SLCO1C1: variants seen among roughly 807,000 people sequenced by gnomAD.
The protein encoded by SLCO1C1 is solute carrier organic anion transporter family member 1C1, also known as OAT-RP-5.
SLCO1C1 carries 70 observed loss-of-function variants against 76.4 expected under a neutral mutation model. The observed-to-expected ratio is 0.92, with a 90% CI of 0.76 to 1.12. The LOEUF is 1.12. SLCO1C1 is among the 50% of genes most tolerant of loss of function. SLCO1C1 has a pLI of 0.00. For missense variants in SLCO1C1, 912 were observed against 823.8 expected, an observed-to-expected ratio of 1.11 and a Z score of -1.31; for synonymous variants, 306 against 286.1, an observed-to-expected ratio of 1.07 and a Z score of -0.70.
At chr12:20,738,919 A>T (rs1023611974) in intron 11 of SLCO1C1, among the ~76,000 whole-genome samples, 7 of 152,168 alleles carry the variant, frequency 4.6e-5, no homozygotes, top group Non-Finnish European at 1.0e-4. Flanking sequence ...CATTACAAAA[A>T]ATCTATATTG....
At chr12:20,740,779 T>TA (rs1948765140) in intron 12 of SLCO1C1, among the ~76,000 whole-genome samples, 1 of 24,200 alleles carries the variant, frequency 4.1e-5, no homozygotes, top group Non-Finnish European at 1.0e-4. Context: ...TGTTAGAATT[T>TA]ATTTTATTTA....
At chr12:20,706,287 A>G (rs1444028334) in intron 4 of SLCO1C1, among the ~76,000 whole-genome samples, 1 of 152,150 alleles carries the variant, frequency 6.6e-6, no homozygotes, top group Admixed American at 6.6e-5. Context: ...ATTACTGTAT[A>G]TTGATATCAA....
chr12:20,736,345 G>GA (rs376675460), intron 10 of SLCO1C1, among the ~76,000 whole-genome samples: 3 of 149,574 alleles, frequency 2.0e-5, no homozygotes, highest in African/African-American at 7.3e-5. Flanking sequence ...TTGGGGGGGG[G>GA]TGCAAATTTT....
intron 10 of SLCO1C1, 28 bp from the exon 11 acceptor site, chr12:20,737,079 T>C (rs781396887): frequency 2.1e-6 from 3 of 1,458,158 alleles, no homozygotes. Flanking sequence ...TAAGAGGTAA[T>C]ATTTTATATT....
Position 20,715,127 on chromosome 12 carries a change from C to A in SLCO1C1, c.530-12C>A, listed in dbSNP as rs576160386. The A allele has an allele frequency of 6.2e-7, 1 of 1,613,350 alleles. No homozygotes were observed. The highest frequency in any genetic ancestry group is 8.5e-7 in the Non-Finnish European group (1 of 1,179,726). ...ATCTATTTTCAATCCTCTGGTTTGC[C>A]TTTCTTTCAAGAATGTGAAGTGGAC... On this transcript the variant is annotated splice_polypyrimidine_tract_variant and intron_variant, in intron 5 of 14. Transcript: ENST00000266509.
intron 14 of SLCO1C1, 120 bp downstream of exon 14, chr12:20,750,912 T>C (rs769408502): frequency 6.3e-7 from 1 of 1,580,840 alleles, no homozygotes; most frequent in Admixed American, 1.7e-5. Context: ...AATAGTCTAA[T>C]CAAAAAGTGT....
chr12:20,738,967 T>C (rs1396265382), intron 11 of SLCO1C1, among the ~76,000 whole-genome samples: 2 of 152,192 alleles, frequency 1.3e-5, no homozygotes, highest in Non-Finnish European at 2.9e-5. Flanking sequence ...GCTTTATTTA[T>C]GGTCTAAAAA....
At chr12:20,713,131 G>A (rs922623545) in intron 5 of SLCO1C1, among the ~76,000 whole-genome samples, 4 of 148,882 alleles carry the variant, frequency 2.7e-5, no homozygotes, top group Admixed American at 6.7e-5. Context: ...CCAGGCTGGA[G>A]TGCAGTGGCG....
At chr12:20,734,213 G>T (rs1948436660) in intron 10 of SLCO1C1, among the ~76,000 whole-genome samples, 1 of 152,048 alleles carries the variant, frequency 6.6e-6, no homozygotes, top group Admixed American at 6.6e-5. Flanking sequence ...GGTTTCATCT[G>T]CTGCTAAATG....
intron 3 of SLCO1C1, among the ~76,000 whole-genome samples, chr12:20,701,814 T>C (rs1290094619): frequency 6.6e-6 from 1 of 151,926 alleles, no homozygotes; most frequent in Admixed American, 6.6e-5. Context: ...CTGGGAGCAC[T>C]ATGATTCAAT....
intron 9 of SLCO1C1, among the ~76,000 whole-genome samples, chr12:20,728,203 A>T (rs888629020): frequency 2.0e-5 from 3 of 152,124 alleles, no homozygotes; most frequent in African/African-American, 7.2e-5. Context: ...TGATGATGAT[A>T]AGGGGTCCAG....
intron 4 of SLCO1C1, among the ~76,000 whole-genome samples, chr12:20,710,428 T>A (rs1947031429): frequency 1.3e-5 from 2 of 152,032 alleles, no homozygotes; most frequent in African/African-American, 4.8e-5. Flanking sequence ...AAAATGAGAA[T>A]CAAGATGATA....
At chr12:20,734,727 A>G (rs904990703) in intron 10 of SLCO1C1, among the ~76,000 whole-genome samples, 2 of 152,230 alleles carry the variant, frequency 1.3e-5, no homozygotes, top group East Asian at 3.8e-4. Context: ...ATTCCTACAT[A>G]ATCAAAGATT....
intron 4 of SLCO1C1, among the ~76,000 whole-genome samples, chr12:20,710,200 CTTTTTTTTTTTTTTTT>C (rs914645913): frequency 2.6e-5 from 2 of 75,486 alleles, no homozygotes; most frequent in Non-Finnish European, 4.6e-5. Flanking sequence ...CTCTACTTTT[CTTTTTTTTTTTTTTTT>C]TTTTTTTTTG....
chr12:20,750,945 A>G (rs767393289), intron 14 of SLCO1C1, 153 bp downstream of exon 14: 7 of 1,377,688 alleles, frequency 5.1e-6, no homozygotes, highest in Non-Finnish European at 7.0e-6. Flanking sequence ...TAGAATAATT[A>G]TATTATTATT....
In SLCO1C1 at chr12:20,737,198, G is replaced by A. The variant is rs746187601; in HGVS notation, c.1474G>A (p.Gly492Ser). 36 of 1,569,268 alleles carry A rather than the reference G, an allele frequency of 2.3e-5. No individual in the cohort carries two copies. In the Middle Eastern group the frequency reaches 5.0e-4, roughly 22 times the overall value. ...CSETKWEPMC[G>S]ENGITYVSAC... ...AGAGACAAAATGGGAACCCATGTGC[G>A]GTGAAAATGGAATCACATATGTATC... The change falls in exon 11 of 15, where the codon GGT (glycine) becomes AGT (serine). Residue 492 changes from glycine to serine, a missense_variant. Physicochemically the swap from Gly to Ser is moderately conservative, Grantham distance 56. Coordinates refer to ENST00000266509, the MANE Select transcript of SLCO1C1 (RefSeq NM_017435.5).
chr12:20,752,162 T>C (rs930019978), intron 14 of SLCO1C1, 144 bp from the exon 15 acceptor site: 3 of 533,010 alleles, frequency 5.6e-6, no homozygotes, highest in Non-Finnish European at 9.7e-6. Context: ...CAACAGTCTG[T>C]CAGTATTTCA....
At chr12:20,718,018 A>G (rs1947469643) in intron 7 of SLCO1C1, among the ~76,000 whole-genome samples, 1 of 152,152 alleles carries the variant, frequency 6.6e-6, no homozygotes, top group Non-Finnish European at 1.5e-5. Flanking sequence ...CTACAAGTGA[A>G]GCTTCAAAAA....
chr12:20,711,324 A>C, intron 4 of SLCO1C1, 62 bp from the exon 5 acceptor site: 1 of 1,559,148 alleles, frequency 6.4e-7, no homozygotes, highest in East Asian at 2.3e-5. Flanking sequence ...TGTAGCATAC[A>C]CATAATATTC....
Sources: gnomAD v4.1 joint callset for allele counts (sites outside exome capture counted in the v4.1 genomes callset) on GRCh38, gnomAD v4.1.1 for gene constraint, MANE v1.5 for transcripts, NCBI Gene and HGNC (gene_info 2026-07-23, HGNC 2026-07-21) for gene names.